Variants in UTRN observed in about 807,000 individuals in gnomAD.
The protein encoded by UTRN is dystrophin-related protein 1.
Under a neutral mutation model 463.9 loss-of-function variants are expected in UTRN, and 283 were observed. That is an observed-to-expected ratio of 0.61 (90% CI 0.55 to 0.67). UTRN has a LOEUF of 0.67. Ranked by LOEUF, UTRN falls within the 30% of genes least tolerant of loss-of-function variation. The pLI is 0.00. For missense variants in UTRN, 3,922 were observed against 4,084.3 expected, an observed-to-expected ratio of 0.96 and a Z score of 1.08; for synonymous variants, 1,442 against 1,431.5, an observed-to-expected ratio of 1.01 and a Z score of -0.17.
intron 3 of UTRN, among the ~76,000 whole-genome samples, chr6:144,415,603 A>G (rs1784295145): frequency 6.6e-6 from 1 of 152,200 alleles, no homozygotes; most frequent in African/African-American, 2.4e-5. Context: ...GTAGGGTAAG[A>G]ATAATACAGT....
Position 144,536,717 on chromosome 6 carries a change from C to A in UTRN, c.6234-865C>A, listed in dbSNP as rs1422138546. ...TAAAAATTGCATTCAGTTTTTAAAC[C>A]AGCAGTTAATTATAGCAGCTATAAA... On this transcript the variant is annotated intron_variant, in intron 43 of 74. Coordinates refer to ENST00000367545, the MANE Select transcript of UTRN (RefSeq NM_007124.3). Among the ~76,000 whole-genome samples the A allele has an allele frequency of 4.6e-5, 7 of 151,798 alleles. 1 individual carries two copies. Among genetic ancestry groups the A allele is most frequent in the Non-Finnish European group, 1.0e-4 (7 of 67,896 alleles).
chr6:144,545,010 T>C (rs1400153233), intron 46 of UTRN, among the ~76,000 whole-genome samples: 1 of 152,214 alleles, frequency 6.6e-6, no homozygotes, highest in Admixed American at 6.5e-5. Flanking sequence ...AATTCTCTTT[T>C]CTACCTATGC....
intron 55 of UTRN, 58 bp from the exon 56 acceptor site, chr6:144,751,748 T>G (rs994046439): frequency 1.9e-5 from 28 of 1,479,472 alleles, no homozygotes; most frequent in Middle Eastern, 3.6e-4. Flanking sequence ...AAGGATCAAC[T>G]GTATTAGCTT....
rs374956062 is a variant in UTRN at position 144,561,258 on chromosome 6, T to TACACACAC, written c.7289+3948_7289+3949insCACACACA. Among the ~76,000 whole-genome samples the TACACACAC allele has an allele frequency of 2.8e-3, 219 of 78,806 alleles. 10 individuals carry two copies. The East Asian group carries it at 0.035, about 13-fold the overall frequency. 51.7% of individuals were successfully genotyped at this position (78,806 alleles called of 152,430 possible). On this transcript the variant is annotated intron_variant, in intron 50 of 74. Coordinates refer to ENST00000367545, the MANE Select transcript of UTRN (RefSeq NM_007124.3). ...ATATATATATATATATATATATATATATACATACACACACACACGTATACA... is the reference window on the plus strand; with the variant it reads ...ATATATATATATATATATATATATATACACACACATACATACACACACACACGTATACA...
chr6:144,754,700 T>C lies in UTRN; in HGVS notation c.8356-20T>C, dbSNP rs983238604. 4 of 1,609,320 alleles carry C rather than the reference T, an allele frequency of 2.5e-6. No individual in the cohort carries two copies. The highest frequency in any genetic ancestry group is 2.7e-5 in the African/African-American group (2 of 74,638). On this transcript the variant is annotated intron_variant, in intron 56 of 74. Transcript: ENST00000367545. ...TCGGAATCAAATTATTTCCTCTGAC[T>C]TGCATGTGTATGTGTGCAGGTTTCT...
chr6:144,723,299 C>G (rs1022354162), intron 53 of UTRN, among the ~76,000 whole-genome samples: 2 of 152,182 alleles, frequency 1.3e-5, no homozygotes, highest in Non-Finnish European at 2.9e-5. Context: ...ACAGAACTAA[C>G]TGAAATCCAT....
intron 23 of UTRN, among the ~76,000 whole-genome samples, chr6:144,470,137 T>C (rs1427903396): frequency 6.6e-6 from 1 of 152,252 alleles, no homozygotes; most frequent in African/African-American, 2.4e-5. Flanking sequence ...GATCTCTCCT[T>C]CTTTTCCCCA....
chr6:144,808,151 G>C (rs895123147), intron 65 of UTRN, among the ~76,000 whole-genome samples: 1 of 152,038 alleles, frequency 6.6e-6, no homozygotes, highest in African/African-American at 2.4e-5. Flanking sequence ...TACATACCAG[G>C]CATTTTGCTA....
At chr6:144,760,530 G>T (rs1048397293) in intron 58 of UTRN, among the ~76,000 whole-genome samples, 1 of 152,070 alleles carries the variant, frequency 6.6e-6, no homozygotes, top group South Asian at 2.1e-4. Flanking sequence ...GTTTAACCAG[G>T]ATCTTTCATT....
chr6:144,777,691 G>C (rs1402100340), intron 60 of UTRN, among the ~76,000 whole-genome samples: 1 of 152,204 alleles, frequency 6.6e-6, no homozygotes, highest in Non-Finnish European at 1.5e-5. Context: ...TATGTTCCGA[G>C]GAGGGGGAGA....
At chr6:144,666,677 A>T (rs62427182) in intron 51 of UTRN, among the ~76,000 whole-genome samples, 1,652 of 152,312 alleles carry the variant, frequency 0.011, 14 homozygotes, top group Non-Finnish European at 0.018. Flanking sequence ...CTTTTCTTTG[A>T]TCACTTGTGG....
At chr6:144,632,485 G>A (rs1776630423) in intron 51 of UTRN, among the ~76,000 whole-genome samples, 1 of 151,984 alleles carries the variant, frequency 6.6e-6, no homozygotes, top group South Asian at 2.1e-4. Context: ...AGAAATATGA[G>A]AAGTGAAATA....
At chr6:144,372,077 T>C (rs796886980) in intron 2 of UTRN, among the ~76,000 whole-genome samples, 5 of 152,394 alleles carry the variant, frequency 3.3e-5, no homozygotes, top group African/African-American at 1.2e-4. Context: ...GAATGTGCTT[T>C]ATTTTAAGCC....
At chr6:144,290,332 T>A (rs1031517899) in intron 1 of UTRN, among the ~76,000 whole-genome samples, 1 of 152,230 alleles carries the variant, frequency 6.6e-6, no homozygotes, top group African/African-American at 2.4e-5. Context: ...TAGTCTCCTT[T>A]AATTCACAAA....
chr6:144,330,430 AGGT>A (rs1776255930), intron 2 of UTRN, among the ~76,000 whole-genome samples: 1 of 152,210 alleles, frequency 6.6e-6, no homozygotes, highest in Non-Finnish European at 1.5e-5. Context: ...TGGAGTATGT[AGGT>A]TGAAAAATAG....
chr6:144,846,764 C>G (rs780167184), intron 73 of UTRN, 41 bp from the exon 74 acceptor site: 2 of 1,613,732 alleles, frequency 1.2e-6, no homozygotes, highest in Non-Finnish European at 1.7e-6. Context: ...AACAAAGTAA[C>G]AGGACTGCCA....
intron 53 of UTRN, among the ~76,000 whole-genome samples, chr6:144,707,549 C>A (rs1785219121): frequency 6.6e-6 from 1 of 152,156 alleles, no homozygotes; most frequent in South Asian, 2.1e-4. Flanking sequence ...TCAATTCTGG[C>A]TGCACTTTCC....
chr6:144,520,862 C>T (rs1006567215), intron 39 of UTRN, among the ~76,000 whole-genome samples: 6 of 152,194 alleles, frequency 3.9e-5, no homozygotes, highest in African/African-American at 1.4e-4. Context: ...AATTCATGAG[C>T]AGCTGCAGTT....
intron 23 of UTRN, among the ~76,000 whole-genome samples, chr6:144,464,874 AT>A (rs1239020426): frequency 6.6e-6 from 1 of 152,198 alleles, no homozygotes; most frequent in Non-Finnish European, 1.5e-5. Flanking sequence ...CAAAATGAGC[AT>A]TGGCCTTTTC....
Sources: allele counts gnomAD v4.1 joint callset (sites outside exome capture counted in the v4.1 genomes callset), GRCh38; gene constraint gnomAD v4.1.1; transcripts MANE v1.5; gene names NCBI Gene and HGNC (gene_info 2026-07-23, HGNC 2026-07-21).